Variants in KIF6 observed in about 807,000 individuals in gnomAD.
KIF6 encodes kinesin family member 6.
A neutral mutation model predicts 112.7 loss-of-function variants in KIF6; 106 were observed. That is an observed-to-expected ratio of 0.94 (90% CI 0.80 to 1.11). KIF6 has a LOEUF of 1.11. KIF6 is among the 50% of genes least tolerant of loss of function. The pLI is 0.00. For synonymous variants in KIF6, 339 were observed against 339.9 expected, an observed-to-expected ratio of 1.00 and a Z score of 0.03; for missense variants, 929 against 964.0, an observed-to-expected ratio of 0.96 and a Z score of 0.48.
intron 7 of KIF6, among the ~76,000 whole-genome samples, chr6:39,591,455 T>A (rs1781949860): frequency 6.6e-6 from 1 of 152,212 alleles, no homozygotes; most frequent in Middle Eastern, 3.2e-3. Flanking sequence ...CACAAAAATG[T>A]TTTAAAGATT....
At chr6:39,555,189 T>C (rs1169550408) in intron 10 of KIF6, among the ~76,000 whole-genome samples, 1 of 152,116 alleles carries the variant, frequency 6.6e-6, no homozygotes, top group Non-Finnish European at 1.5e-5. Context: ...CCTCTCCTTT[T>C]CTGGGGCTTT....
At chr6:39,367,328 C>T (rs189660684) in intron 16 of KIF6, among the ~76,000 whole-genome samples, 90 of 152,254 alleles carry the variant, frequency 5.9e-4, no homozygotes, top group Non-Finnish European at 8.5e-4. Flanking sequence ...GGACTCTGGC[C>T]AGGGACAGAG....
intron 10 of KIF6, among the ~76,000 whole-genome samples, chr6:39,575,418 C>G (rs374423952): frequency 6.6e-6 from 1 of 151,844 alleles, no homozygotes; most frequent in Non-Finnish European, 1.5e-5. Flanking sequence ...CTACAGGCGC[C>G]CGCCACCACA....
rs1310199826 is a variant in KIF6 at position 39,355,533 on chromosome 6, G to A, written c.2180+1744C>T. On this transcript the variant is annotated intron_variant, in intron 19 of 22. Coordinates refer to ENST00000287152, the MANE Select transcript of KIF6 (RefSeq NM_145027.6). Reference sequence around the variant, plus strand: ...GGCTGGAGTGCAGTGGTGCGATCTCGGCTCACTGCAACCTCCACCTCTTGG... The same window carrying A: ...GGCTGGAGTGCAGTGGTGCGATCTCAGCTCACTGCAACCTCCACCTCTTGG... Among the ~76,000 whole-genome samples the A allele has an allele frequency of 3.4e-5, 5 of 147,052 alleles. No individual in the cohort carries two copies. In the South Asian group the frequency reaches 6.6e-4, roughly 19 times the overall value.
chr6:39,584,411 T>G (rs1781482260), intron 9 of KIF6, among the ~76,000 whole-genome samples: 1 of 69,432 alleles, frequency 1.4e-5, no homozygotes, highest in Non-Finnish European at 2.6e-5. Flanking sequence ...AGCAAGACTC[T>G]GTCTCTAAAA....
At chr6:39,435,278 A>C (rs1771442788) in intron 13 of KIF6, among the ~76,000 whole-genome samples, 1 of 152,144 alleles carries the variant, frequency 6.6e-6, no homozygotes, top group Non-Finnish European at 1.5e-5. Context: ...GAAAAACAGA[A>C]CCATATATGT....
intron 10 of KIF6, among the ~76,000 whole-genome samples, chr6:39,560,398 C>A (rs1234250896): frequency 6.6e-6 from 1 of 152,182 alleles, no homozygotes; most frequent in Non-Finnish European, 1.5e-5. Context: ...TTTTCTCAGG[C>A]AAGAATCCAA....
At chr6:39,533,538 T>C (rs373724155) in intron 13 of KIF6, among the ~76,000 whole-genome samples, 1 of 152,082 alleles carries the variant, frequency 6.6e-6, no homozygotes, top group Non-Finnish European at 1.5e-5. Context: ...CCCACCACAG[T>C]TCAAGGAGGC....
chr6:39,371,238 G>A (rs115063005), intron 16 of KIF6, among the ~76,000 whole-genome samples: 2,829 of 152,168 alleles, frequency 0.019, 99 homozygotes, highest in African/African-American at 0.064. Context: ...TCTTTCTCAC[G>A]GGGCCACCTA....
intron 13 of KIF6, among the ~76,000 whole-genome samples, chr6:39,488,236 A>G (rs1330493107): frequency 6.6e-6 from 1 of 152,232 alleles, no homozygotes. Flanking sequence ...TAATGCTTAA[A>G]ATCAGCCAAC....
At chr6:39,675,515 A>G (rs1409244153) in intron 3 of KIF6, among the ~76,000 whole-genome samples, 1 of 152,138 alleles carries the variant, frequency 6.6e-6, no homozygotes, top group African/African-American at 2.4e-5. Flanking sequence ...TCTACTCTAT[A>G]GTGATGTGCC....
intron 19 of KIF6, chr6:39,354,269 C>T (rs1175584657): frequency 1.5e-5 from 3 of 194,868 alleles, no homozygotes; most frequent in Non-Finnish European, 3.2e-5. Context: ...ATCCATACTG[C>T]AGGGCAGGAA....
At chr6:39,529,428 TAGATA>T (rs777949120) in intron 13 of KIF6, among the ~76,000 whole-genome samples, 3 of 152,168 alleles carry the variant, frequency 2.0e-5, no homozygotes, top group Non-Finnish European at 2.9e-5. Context: ...ATATCTGAAA[TAGATA>T]AGATATTTAT....
intron 3 of KIF6, among the ~76,000 whole-genome samples, chr6:39,692,832 A>G (rs1788298571): frequency 6.6e-6 from 1 of 150,732 alleles, no homozygotes; most frequent in Admixed American, 6.6e-5. Flanking sequence ...GTTATCCTCC[A>G]TATTTTTTTT....
chr6:39,712,637 G>A (rs987506294), intron 3 of KIF6, among the ~76,000 whole-genome samples: 1 of 152,158 alleles, frequency 6.6e-6, no homozygotes, highest in African/African-American at 2.4e-5. Context: ...GGCCGAGGTG[G>A]GTGGATCACG....
intron 3 of KIF6, among the ~76,000 whole-genome samples, chr6:39,655,123 A>G (rs930665912): frequency 1.3e-5 from 2 of 152,082 alleles, no homozygotes; most frequent in Non-Finnish European, 2.9e-5. Flanking sequence ...TCAAATTTTT[A>G]TTTTGCCAAT....
rs115263866 is a variant in KIF6, at chr6:39,492,003, G to A, written c.1645+48000C>T. On this transcript the variant is annotated intron_variant, in intron 13 of 22. Transcript: ENST00000287152. The stretch of plus-strand genomic sequence containing the variant: ...AAGTTGGAAGAATTTTAAAGGATCC[G>A]GAACAGCCTTTTCAGTCAGCAAAAG... Among the ~76,000 whole-genome samples, 608 of 152,228 alleles carry A rather than the reference G, an allele frequency of 4.0e-3. 1 individual carries two copies. The highest frequency in any genetic ancestry group is 0.014 in the African/African-American group (567 of 41,544).
intron 13 of KIF6, among the ~76,000 whole-genome samples, chr6:39,467,314 T>C (rs779773495): frequency 6.6e-6 from 1 of 152,080 alleles, no homozygotes; most frequent in Non-Finnish European, 1.5e-5. Context: ...GAAACAAAAC[T>C]CAAAGAATGG....
chr6:39,477,590 C>G (rs1053746283), intron 13 of KIF6, among the ~76,000 whole-genome samples: 7 of 152,094 alleles, frequency 4.6e-5, no homozygotes, highest in African/African-American at 1.4e-4. Flanking sequence ...TGGCTGGGTG[C>G]GGTGGCTCAC....
Sources: allele counts gnomAD v4.1 joint callset (sites outside exome capture counted in the v4.1 genomes callset), GRCh38; gene constraint gnomAD v4.1.1; transcripts MANE v1.5; gene names NCBI Gene and HGNC (gene_info 2026-07-23, HGNC 2026-07-21).